The following DNAJC6 variants were observed in gnomAD, a reference collection of about 807,000 sequenced individuals.
DNAJC6 encodes DnaJ heat shock protein family (Hsp40) member C6, also known as auxilin.
In DNAJC6, 34 loss-of-function variants were observed where a neutral mutation model predicts 110.0. That is an observed-to-expected ratio of 0.31 (90% CI 0.24 to 0.41). The LOEUF (loss-of-function observed/expected upper bound fraction) is 0.41. Ranked by LOEUF, DNAJC6 falls within the 10% of genes least tolerant of loss-of-function variation. DNAJC6 has a pLI of 1.00. For missense variants in DNAJC6, 1,031 were observed against 1,207.8 expected (o/e 0.85, Z 2.17); for synonymous variants, 406 against 437.2 (o/e 0.93, Z 0.89).
chr1:65,299,570 T>C (rs771142340), intron 1 of DNAJC6, among the ~76,000 whole-genome samples: 1 of 152,188 alleles, frequency 6.6e-6, no homozygotes, highest in Non-Finnish European at 1.5e-5. Context: ...ATAGATAGCA[T>C]TCATTGAACC....
intron 5 of DNAJC6, among the ~76,000 whole-genome samples, chr1:65,383,877 G>C (rs1645845858): frequency 6.6e-6 from 1 of 152,288 alleles, no homozygotes; most frequent in African/African-American, 2.4e-5. Flanking sequence ...CCTAAACCAA[G>C]AGACTTCAAC....
At chr1:65,330,939 G>A (rs1247514289) in intron 1 of DNAJC6, among the ~76,000 whole-genome samples, 1 of 152,170 alleles carries the variant, frequency 6.6e-6, no homozygotes, top group Non-Finnish European at 1.5e-5. Context: ...CCAATGTGAA[G>A]GCGAGGGAAG....
intron 4 of DNAJC6, among the ~76,000 whole-genome samples, chr1:65,373,223 T>C (rs1347446794): frequency 6.6e-6 from 1 of 152,212 alleles, no homozygotes; most frequent in Non-Finnish European, 1.5e-5. Context: ...GGCACTTAGG[T>C]TGATTCCATA....
rs74083027 is a variant in DNAJC6, at chr1:65,316,478, C to T, written c.193+6540C>T. On this transcript the variant is annotated intron_variant, in intron 1 of 18. Transcript: ENST00000371069. ...ATTGAGTTGTGACATGCTGCCTGGC[C>T]TGTCTCTCCCTCTAGTCTGTAAGTA... is the stretch of plus-strand genomic sequence containing the variant. 3.1e-3 allele frequency among the ~76,000 whole-genome samples: 470 copies of T among 152,288 alleles called. 1 individual carries two copies. Among genetic ancestry groups the T allele is most frequent in the African/African-American group, 0.011 (451 of 41,556 alleles).
chr1:65,278,765 T>C (rs998390447), intron 1 of DNAJC6, among the ~76,000 whole-genome samples: 3 of 152,134 alleles, frequency 2.0e-5, no homozygotes, highest in African/African-American at 7.2e-5. Flanking sequence ...AAGGAAAAAT[T>C]ACCTGGGGAC....
At chr1:65,383,458 A>C (rs1405418508) in intron 5 of DNAJC6, among the ~76,000 whole-genome samples, 1 of 152,128 alleles carries the variant, frequency 6.6e-6, no homozygotes, top group African/African-American at 2.4e-5. Flanking sequence ...GTGCCCAACC[A>C]AGGTGCCTGC....
At chr1:65,277,338 G>A (rs1653704692) in intron 1 of DNAJC6, among the ~76,000 whole-genome samples, 1 of 151,930 alleles carries the variant, frequency 6.6e-6, no homozygotes, top group Non-Finnish European at 1.5e-5. Flanking sequence ...ATGTTGCTTT[G>A]TTCCAGAGAA....
At chr1:65,331,219 A>G (rs1470558698) in intron 1 of DNAJC6, among the ~76,000 whole-genome samples, 1 of 152,188 alleles carries the variant, frequency 6.6e-6, no homozygotes, top group Non-Finnish European at 1.5e-5. Context: ...GGTTCTTTGT[A>G]GCCATTGGCT....
chr1:65,406,243 G>A, intron 16 of DNAJC6, 110 bp downstream of exon 16: 3 of 1,421,212 alleles, frequency 2.1e-6, no homozygotes, highest in Non-Finnish European at 2.9e-6. Context: ...TTTCAATTCA[G>A]TAGTTTCTGA....
intron 7 of DNAJC6, among the ~76,000 whole-genome samples, 183 bp downstream of exon 7, chr1:65,386,089 CT>C (rs1358495467): frequency 6.6e-6 from 1 of 152,074 alleles, no homozygotes; most frequent in Non-Finnish European, 1.5e-5. Context: ...TGTTATGGCC[CT>C]TTTTCAAATG....
chr1:65,349,032 A>G (rs991206864), intron 1 of DNAJC6, among the ~76,000 whole-genome samples: 1 of 145,882 alleles, frequency 6.9e-6, no homozygotes, highest in African/African-American at 2.5e-5. Context: ...ACATATAAAT[A>G]TATGTAAATG....
intron 5 of DNAJC6, among the ~76,000 whole-genome samples, chr1:65,380,921 G>GTTTTTTTTTTTTTTT (rs1162044500): frequency 1.0e-5 from 1 of 99,354 alleles, no homozygotes; most frequent in Non-Finnish European, 1.7e-5. Context: ...GTTTTGTTTT[G>GTTTTTTTTTTTTTTT]TTTTTTTTTT....
At chr1:65,291,163 G>A (rs1570226695) in intron 1 of DNAJC6, among the ~76,000 whole-genome samples, 1 of 152,272 alleles carries the variant, frequency 6.6e-6, no homozygotes, top group East Asian at 1.9e-4. Flanking sequence ...CTCATGAGTA[G>A]CTGGAATTAC....
chr1:65,382,291 T>G (rs1474736177), intron 5 of DNAJC6, among the ~76,000 whole-genome samples: 2 of 152,230 alleles, frequency 1.3e-5, no homozygotes, highest in Non-Finnish European at 2.9e-5. Flanking sequence ...TAGTCAAGAT[T>G]GAGAAATTTG....
chr1:65,298,001 C>T (rs1324391000), intron 1 of DNAJC6, among the ~76,000 whole-genome samples: 2 of 150,314 alleles, frequency 1.3e-5, no homozygotes, highest in East Asian at 4.0e-4. Flanking sequence ...AATCAGCACT[C>T]CCCACTCCCT....
Position 65,380,914 on chromosome 1 carries a change from TTGTTTTG to T in DNAJC6, c.666+1392_666+1398del, listed in dbSNP as rs1468857997. Among the ~76,000 whole-genome samples the T allele has an allele frequency of 6.0e-5, 6 of 100,202 alleles. 1 individual carries two copies. The highest frequency in any genetic ancestry group is 3.4e-4 in the African/African-American group (6 of 17,442). 65.7% of individuals were successfully genotyped at this position (100,202 alleles called of 152,430 possible). A position where few individuals can be genotyped will look rare whatever the true frequency, so the allele number is the denominator to read the frequency against. On this transcript the variant is annotated intron_variant, in intron 5 of 18. Coordinates refer to ENST00000371069, the MANE Select transcript of DNAJC6 (RefSeq NM_001256864.2). ...AGTTTTTTTTTTTTTGTTTTTTGTTTTGTTTTGTTTTTTTTTTTTTTTTGGGACCGAG... is the reference window on the plus strand; with the variant it reads ...AGTTTTTTTTTTTTTGTTTTTTGTTTTTTTTTTTTTTTTTTTGGGACCGAG...
Position 65,401,838 on chromosome 1 carries a change from A to G in DNAJC6, c.2185A>G (p.Lys729Glu). The G allele has an allele frequency of 6.2e-7, 1 of 1,613,848 alleles. No homozygotes were observed. The stretch of plus-strand genomic sequence containing the variant: ...GCATGGTACTCCCACCCATCAAAGC[A>G]AACCCCAGACTCTGGATCCTTTTGC... ...SSHGTPTHQS[K>E]PQTLDPFADL... Residue 729 changes from lysine to glutamate, a missense_variant, in exon 15 of 19, where the codon AAA becomes GAA. Physicochemically the swap from Lys to Glu is moderately conservative, Grantham distance 56. Transcript: ENST00000371069.
At chr1:65,270,463 AAAACTT>A (rs1653467325) in intron 1 of DNAJC6, among the ~76,000 whole-genome samples, 1 of 152,182 alleles carries the variant, frequency 6.6e-6, no homozygotes, top group African/African-American at 2.4e-5. Flanking sequence ...AACCAACATT[AAAACTT>A]TTGGAGACTA....
At chr1:65,307,436 C>G (rs143978691), upstream of DNAJC6, among the ~76,000 whole-genome samples, 762 of 152,226 alleles carry the variant, frequency 5.0e-3, 5 homozygotes, top group African/African-American at 0.018. Flanking sequence ...TCTATAATTT[C>G]TTTCAGCAAT....
Sources: allele counts gnomAD v4.1 joint callset (sites outside exome capture counted in the v4.1 genomes callset), GRCh38; gene constraint gnomAD v4.1.1; transcripts MANE v1.5; gene names NCBI Gene and HGNC (gene_info 2026-07-23, HGNC 2026-07-21).